Variants in PBX1 observed in about 807,000 individuals in gnomAD.
PBX1 encodes PBX homeobox 1, also known as pre-B-cell leukemia transcription factor 1.
A neutral mutation model predicts 53.4 loss-of-function variants in PBX1; 6 were observed. That is an observed-to-expected ratio of 0.11 (90% confidence interval 0.06 to 0.22). The LOEUF is 0.22. Ranked by LOEUF, PBX1 falls within the 10% of genes least tolerant of loss-of-function variation. PBX1 has a pLI of 1.00. For synonymous variants in PBX1, 204 were observed against 212.3 expected, an observed-to-expected ratio of 0.96 and a Z score of 0.34; for missense variants, 251 against 551.4, an observed-to-expected ratio of 0.46 and a Z score of 5.46.
chr1:164,711,336 TCA>T (rs1270768495), intron 2 of PBX1, among the ~76,000 whole-genome samples: 2 of 152,342 alleles, frequency 1.3e-5, no homozygotes, highest in South Asian at 4.1e-4. Flanking sequence ...CGATCTCGGC[TCA>T]CTGCAAGCTC....
intron 2 of PBX1, among the ~76,000 whole-genome samples, chr1:164,866,545 G>A (rs1265804047): frequency 2.6e-5 from 4 of 152,230 alleles, no homozygotes; most frequent in Non-Finnish European, 5.9e-5. Context: ...TTTATGAGCT[G>A]TTCACAGAGA....
chr1:164,761,514 G>A (rs951555023), intron 2 of PBX1, among the ~76,000 whole-genome samples: 2 of 151,528 alleles, frequency 1.3e-5, no homozygotes, highest in Admixed American at 6.6e-5. Context: ...GCGCGATCTC[G>A]ACTCACTGCA....
At chr1:164,659,558 G>A (rs180671673) in intron 2 of PBX1, among the ~76,000 whole-genome samples, 2 of 152,178 alleles carry the variant, frequency 1.3e-5, no homozygotes, top group African/African-American at 2.4e-5. Context: ...GATTTGTACC[G>A]AGGAAGCAGC....
intron 2 of PBX1, among the ~76,000 whole-genome samples, chr1:164,579,048 G>A (rs551027917): frequency 8.8e-4 from 134 of 151,936 alleles, no homozygotes; most frequent in Non-Finnish European, 1.3e-3. Context: ...CGCTGAATAG[G>A]CATTCTGTGA....
intron 8 of PBX1, among the ~76,000 whole-genome samples, chr1:164,832,455 T>C (rs1260300727): frequency 2.6e-5 from 4 of 152,220 alleles, no homozygotes; most frequent in Admixed American, 2.6e-4. Flanking sequence ...AGTGACCCAG[T>C]GATCATACAT....
downstream of PBX1, among the ~76,000 whole-genome samples, chr1:164,852,202 TTGTC>T (rs1335009715): frequency 3.3e-5 from 5 of 152,196 alleles, no homozygotes; most frequent in African/African-American, 1.2e-4. Flanking sequence ...TTTCTTCTCT[TTGTC>T]TGCTGTGATC....
At chr1:164,765,093 A>G (rs1447299885) in intron 2 of PBX1, among the ~76,000 whole-genome samples, 2 of 152,270 alleles carry the variant, frequency 1.3e-5, no homozygotes, top group East Asian at 1.9e-4. Context: ...CAGCGGCCAC[A>G]TATATGGTTG....
chr1:164,863,309 G>A (rs528173145), intron 2 of PBX1, among the ~76,000 whole-genome samples: 10 of 152,342 alleles, frequency 6.6e-5, no homozygotes, highest in African/African-American at 2.4e-4. Flanking sequence ...AGGACGTGCT[G>A]AGGTGGGGGC....
At chr1:164,642,037 C>T (rs1477791745) in intron 2 of PBX1, 3 of 152,022 alleles carry the variant, frequency 2.0e-5, no homozygotes, top group African/African-American at 7.2e-5. Context: ...TTTTTTCTTT[C>T]TCCTTCATTT....
chr1:164,842,906 G>A (rs549374726), intron 8 of PBX1, among the ~76,000 whole-genome samples: 5 of 87,264 alleles, frequency 5.7e-5, no homozygotes, highest in Middle Eastern at 6.3e-3. Flanking sequence ...TTTCCACCCC[G>A]CCCCCACCCA....
chr1:164,843,685 A>G (rs1479685324), intron 8 of PBX1, among the ~76,000 whole-genome samples: 1 of 152,072 alleles, frequency 6.6e-6, no homozygotes, highest in East Asian at 1.9e-4. Context: ...AATAATTCCT[A>G]TTTCTCCCAT....
chr1:164,872,524 A>G (rs1319020190), intron 2 of PBX1, among the ~76,000 whole-genome samples: 1 of 152,106 alleles, frequency 6.6e-6, no homozygotes, highest in African/African-American at 2.4e-5. Context: ...GATTTTGTGT[A>G]TTCAGAACAA....
chr1:164,785,473 T>A (rs1028128715), intron 2 of PBX1, among the ~76,000 whole-genome samples: 7 of 152,180 alleles, frequency 4.6e-5, no homozygotes, highest in African/African-American at 1.7e-4. Context: ...ATTGTGCTTA[T>A]AGGAAGTAAA....
chr1:164,648,661 A>G (rs985976326), intron 2 of PBX1, among the ~76,000 whole-genome samples: 3 of 152,160 alleles, frequency 2.0e-5, no homozygotes, highest in African/African-American at 7.2e-5. Flanking sequence ...TTTCTACTAT[A>G]CCTAATGCCT....
intron 2 of PBX1, among the ~76,000 whole-genome samples, chr1:164,600,553 A>G (rs1286063727): frequency 6.6e-6 from 1 of 152,104 alleles, no homozygotes; most frequent in Non-Finnish European, 1.5e-5. Context: ...CTAGCCTACT[A>G]CTGCTTTTTA....
chr1:164,623,024 A>G (rs776194413), intron 2 of PBX1, among the ~76,000 whole-genome samples: 4 of 152,074 alleles, frequency 2.6e-5, no homozygotes, highest in African/African-American at 4.8e-5. Flanking sequence ...CGTGTTGGCC[A>G]GGCTGATCTT....
At chr1:164,745,677 T>C (rs1203334781) in intron 2 of PBX1, among the ~76,000 whole-genome samples, 1 of 152,212 alleles carries the variant, frequency 6.6e-6, no homozygotes, top group Non-Finnish European at 1.5e-5. Context: ...GGCTAAAGCT[T>C]CTAAGCATTT....
chr1:164,880,764 A>G (rs887845462), intron 2 of PBX1, among the ~76,000 whole-genome samples: 1 of 152,212 alleles, frequency 6.6e-6, no homozygotes, highest in Admixed American at 6.5e-5. Context: ...GGGAAGTAGG[A>G]TTATCAGTTC....
At chr1:164,630,678 TA>T (rs1489971572) in intron 2 of PBX1, among the ~76,000 whole-genome samples, 1 of 152,200 alleles carries the variant, frequency 6.6e-6, no homozygotes, top group Non-Finnish European at 1.5e-5. Flanking sequence ...AGAGATTAAA[TA>T]AAATAGAACC....
Sources: allele counts gnomAD v4.1 joint callset (sites outside exome capture counted in the v4.1 genomes callset), GRCh38; gene constraint gnomAD v4.1.1; transcripts MANE v1.5; gene names NCBI Gene and HGNC (gene_info 2026-07-23, HGNC 2026-07-21).